MFSD11: variants seen among roughly 807,000 people sequenced by gnomAD.
MFSD11 encodes major facilitator superfamily domain containing 11.
In MFSD11, 36 loss-of-function variants were observed where a neutral mutation model predicts 53.5. That is an observed-to-expected ratio of 0.67 (90% CI 0.52 to 0.89). The LOEUF is 0.89. Among genes scored for constraint, MFSD11 ranks in the 40% least tolerant of loss-of-function variants. The pLI, the probability that MFSD11 is intolerant of heterozygous loss-of-function variation, is 0.00. For missense variants in MFSD11, 530 were observed against 543.9 expected, an observed-to-expected ratio of 0.97 and a Z score of 0.25; for synonymous variants, 186 against 184.9, an observed-to-expected ratio of 1.01 and a Z score of -0.05.
chr17:76,748,997 A>G (rs2078800983), intron 7 of MFSD11, among the ~76,000 whole-genome samples: 1 of 152,024 alleles, frequency 6.6e-6, no homozygotes, highest in African/African-American at 2.4e-5. Context: ...AAGTTTGTGC[A>G]TTCATGGAGC....
chr17:76,737,244 G>A, upstream of MFSD11: 1 of 1,452,978 alleles, frequency 6.9e-7, no homozygotes. Flanking sequence ...CTCTCAGGCA[G>A]TTGCCTTCCG....
upstream of MFSD11, chr17:76,736,717 C>T (rs1174643740): frequency 4.4e-6 from 6 of 1,350,594 alleles, no homozygotes; most frequent in Middle Eastern, 2.7e-4. Flanking sequence ...GCACCACGTG[C>T]TTCGCCGCGG....
intron 8 of MFSD11, among the ~76,000 whole-genome samples, chr17:76,763,372 C>G (rs1171543627): frequency 6.6e-6 from 1 of 151,814 alleles, no homozygotes; most frequent in African/African-American, 2.4e-5. Flanking sequence ...TCAAGTGATT[C>G]TCCTGTCTCA....
At chr17:76,749,149 G>A (rs955615848) in intron 7 of MFSD11, among the ~76,000 whole-genome samples, 1 of 152,088 alleles carries the variant, frequency 6.6e-6, no homozygotes, top group Non-Finnish European at 1.5e-5. Context: ...AGAGTTGTGC[G>A]TCCATCATTG....
intron 7 of MFSD11, among the ~76,000 whole-genome samples, chr17:76,747,505 T>A (rs1304169671): frequency 6.6e-6 from 1 of 152,098 alleles, no homozygotes; most frequent in African/African-American, 2.4e-5. Context: ...CAGCTAATTT[T>A]TGTATTTTTA....
chr17:76,787,031 A>G, the MFSD11 span, among the ~76,000 whole-genome samples: 1 of 151,880 alleles, frequency 6.6e-6, no homozygotes, highest in African/African-American at 2.4e-5. Context: ...TTGTATCAAT[A>G]CAACAAAAAT....
the MFSD11 span, among the ~76,000 whole-genome samples, chr17:76,795,642 G>A: frequency 6.6e-6 from 1 of 152,088 alleles, no homozygotes; most frequent in Non-Finnish European, 1.5e-5. Context: ...TTGACAATCA[G>A]TGGAAGATGA....
At chr17:76,739,263 A>C (rs1299042394) in intron 2 of MFSD11, among the ~76,000 whole-genome samples, 1 of 118,458 alleles carries the variant, frequency 8.4e-6, no homozygotes, top group African/African-American at 2.8e-5. Context: ...TTCCTAGTTC[A>C]GACAATGCAT....
At chr17:76,786,345 A>C (rs899443160), downstream of MFSD11, among the ~76,000 whole-genome samples, 1 of 151,894 alleles carries the variant, frequency 6.6e-6, no homozygotes, top group South Asian at 2.1e-4. Flanking sequence ...GGGTTTCGCC[A>C]TGTTGGCCAG....
upstream of MFSD11, chr17:76,737,291 C>T: frequency 1.6e-6 from 2 of 1,280,692 alleles, no homozygotes; most frequent in Non-Finnish European, 1.0e-6. Flanking sequence ...CGCAGAACAG[C>T]ACGGACGGGC....
the MFSD11 span, among the ~76,000 whole-genome samples, chr17:76,802,025 T>C: frequency 1.3e-5 from 2 of 151,818 alleles, no homozygotes; most frequent in Non-Finnish European, 2.9e-5. Flanking sequence ...ACTTAGCACT[T>C]TGGGAGGCCA....
At position 76,744,977 on chromosome 17, in the gene MFSD11, C is replaced by A. The variant is rs1383314907; in HGVS notation, c.641+511C>A. ...CACTAACTTACATAGGCGGTTTTCCCCAGAGTGGTCCAAATAGGGGAATGA... is the reference window on the plus strand; with the variant it reads ...CACTAACTTACATAGGCGGTTTTCCACAGAGTGGTCCAAATAGGGGAATGA... On this transcript the variant is annotated intron_variant, in intron 7 of 12. Coordinates refer to ENST00000685175, the MANE Select transcript of MFSD11 (RefSeq NM_001242532.5). 2.0e-5 allele frequency among the ~76,000 whole-genome samples: 3 copies of A among 152,092 alleles called. No homozygotes were observed. The East Asian group carries it at 5.8e-4, about 29-fold the overall frequency.
chr17:76,798,781 A>G, the MFSD11 span, among the ~76,000 whole-genome samples: 1 of 151,922 alleles, frequency 6.6e-6, no homozygotes, highest in African/African-American at 2.4e-5. Flanking sequence ...TAATCCCAAC[A>G]CTTTGGGAGG....
At chr17:76,754,254 A>G (rs933345559) in intron 8 of MFSD11, 167 bp downstream of exon 8, 2 of 557,622 alleles carry the variant, frequency 3.6e-6, no homozygotes, top group Non-Finnish European at 6.4e-6. Context: ...TCTCTCTAAC[A>G]TGGGGGTTGT....
At chr17:76,737,311 T>C (rs956761292), upstream of MFSD11, 9 of 1,112,280 alleles carry the variant, frequency 8.1e-6, no homozygotes, top group South Asian at 1.8e-5. Flanking sequence ...CTCCGCAGGC[T>C]AGCGCACCTG....
At chr17:76,768,632 T>C (rs2081091892) in intron 9 of MFSD11, among the ~76,000 whole-genome samples, 2 of 152,158 alleles carry the variant, frequency 1.3e-5, no homozygotes, top group East Asian at 3.8e-4. Context: ...ATTAAAACAT[T>C]ATGGTGCTTT....
intron 1 of MFSD11, 165 bp downstream of exon 1, chr17:76,738,613 A>G (rs564204199): frequency 3.2e-6 from 2 of 625,400 alleles, no homozygotes; most frequent in Non-Finnish European, 5.6e-6. Context: ...CTTGTGTCAG[A>G]CATTTCTCAT....
intron 6 of MFSD11, among the ~76,000 whole-genome samples, 159 bp downstream of exon 6, chr17:76,743,615 A>ATAT (rs895029051): frequency 6.6e-6 from 1 of 151,884 alleles, no homozygotes; most frequent in Admixed American, 6.6e-5. Context: ...TCCTTGGTTT[A>ATAT]TATTATTATT....
Position 76,772,032 on chromosome 17 carries a change from G to C in MFSD11, c.874+2161G>C, listed in dbSNP as rs116182305. Among the ~76,000 whole-genome samples the C allele has an allele frequency of 7.1e-3, 1,080 of 152,220 alleles. 15 individuals carry two copies. The highest frequency in any genetic ancestry group is 0.024 in the African/African-American group (980 of 41,528). Reference sequence around the variant, plus strand: ...TGCAGGGTTGTCTTCTCTGGTAAGTGCTTGTTTAGTGTCTGCCTGTAGACT... The same window carrying C: ...TGCAGGGTTGTCTTCTCTGGTAAGTCCTTGTTTAGTGTCTGCCTGTAGACT... On this transcript the variant is annotated intron_variant, in intron 10 of 12. Transcript: ENST00000685175.
Sources: allele counts gnomAD v4.1 joint callset (sites outside exome capture counted in the v4.1 genomes callset), GRCh38; gene constraint gnomAD v4.1.1; transcripts MANE v1.5; gene names NCBI Gene and HGNC (gene_info 2026-07-23, HGNC 2026-07-21).